The following MAP1B variants were observed in gnomAD, a reference collection of about 807,000 sequenced individuals.
MAP1B encodes the protein microtubule associated protein 1B, also known as microtubule-associated protein 1B.
A neutral mutation model predicts 176.1 loss-of-function variants in MAP1B; 12 were observed. The observed-to-expected ratio is 0.07, with a 90% CI of 0.04 to 0.11. The LOEUF (loss-of-function observed/expected upper bound fraction) is 0.11. Ranked by LOEUF, MAP1B falls within the 10% of genes least tolerant of loss-of-function variation. MAP1B has a pLI of 1.00. For synonymous variants in MAP1B, 1,044 were observed against 1,135.0 expected (o/e 0.92, Z 1.61); for missense variants, 2,523 against 2,990.5 (o/e 0.84, Z 3.65).
At chr5:72,188,357 T>C (rs891744114) in intron 4 of MAP1B, among the ~76,000 whole-genome samples, 3 of 152,228 alleles carry the variant, frequency 2.0e-5, no homozygotes, top group Admixed American at 6.5e-5. Context: ...AGGCTGGAAG[T>C]GGCCCAATGA....
At chr5:72,129,553 TC>T (rs1328886766) in intron 2 of MAP1B, among the ~76,000 whole-genome samples, 2 of 150,450 alleles carry the variant, frequency 1.3e-5, no homozygotes, top group African/African-American at 2.4e-5. Context: ...TGAGACTCCG[TC>T]CTAAAAAAAA....
Position 72,186,833 on chromosome 5 carries a change from C to T in MAP1B, c.510+79C>T. The T allele has an allele frequency of 6.5e-7, 1 of 1,531,476 alleles. No individual in the cohort carries two copies. Among genetic ancestry groups the T allele is most frequent in the South Asian group, 1.1e-5 (1 of 87,264 alleles). 94.9% of individuals were successfully genotyped at this position (1,531,476 alleles called of 1,614,324 possible). A position where few individuals can be genotyped will look rare whatever the true frequency, so the allele number is the denominator to read the frequency against. ...TCCTCTTTGAGAGCACTGGGGGAGA[C>T]AAAAGAAGAAGGGAGGGAACCTCAC... On this transcript the variant is annotated intron_variant, in intron 4 of 6. Coordinates refer to ENST00000296755, the MANE Select transcript of MAP1B (RefSeq NM_005909.5). The surrounding 1 kb of genome is among the most constrained non-coding windows in gnomAD (Gnocchi z 4.3).
intron 1 of MAP1B, among the ~76,000 whole-genome samples, chr5:72,108,547 G>T (rs954441323): frequency 2.0e-5 from 3 of 152,220 alleles, no homozygotes; most frequent in Admixed American, 2.0e-4. Context: ...CGCGCTCTGC[G>T]GAGGCCGAAT....
chr5:72,180,252 G>T (rs1746738500), intron 2 of MAP1B, among the ~76,000 whole-genome samples: 1 of 152,204 alleles, frequency 6.6e-6, no homozygotes, highest in South Asian at 2.1e-4. Context: ...GAATACAGAC[G>T]TGATGACAGT....
chr5:72,201,828 C>G (rs1474422323), intron 5 of MAP1B, among the ~76,000 whole-genome samples: 2 of 152,150 alleles, frequency 1.3e-5, no homozygotes, highest in Non-Finnish European at 2.9e-5. Context: ...GCACATTTGG[C>G]CTTTCTACAT....
intron 2 of MAP1B, among the ~76,000 whole-genome samples, chr5:72,151,395 C>A (rs527454146): frequency 2.0e-5 from 3 of 152,244 alleles, no homozygotes; most frequent in Admixed American, 2.0e-4. Flanking sequence ...TTGGCAAGAA[C>A]AAACAAGTCA....
In MAP1B at chr5:72,200,205, G is replaced by A. The variant is rs1156555263; in HGVS notation, c.6850G>A (p.Val2284Met). Residue 2284 changes from valine (V) to methionine (M), a missense_variant, in exon 5 of 7, where the codon GTG becomes ATG. Physicochemically the swap from Val to Met is conservative, Grantham distance 21. Coordinates refer to ENST00000296755, the MANE Select transcript of MAP1B (RefSeq NM_005909.5). The stretch of plus-strand genomic sequence containing the variant: ...GGGCTTGAAAGAATCCTCGGATAAA[G>A]TGTCCAGGGTGGCTTCTCCTAAGAA... ...PAGLKESSDK[V>M]SRVASPKKKE... 1 of 1,614,224 alleles carries A rather than the reference G, an allele frequency of 6.2e-7. No individual in the cohort carries two copies. Among genetic ancestry groups the A allele is most frequent in the Non-Finnish European group, 8.5e-7 (1 of 1,180,034 alleles).
chr5:72,194,594 A>G lies in MAP1B; in HGVS notation c.1239A>G (p.Gln413=), dbSNP rs1747104912. ...CTATTGATCCTGTCATTCTTTTCCA[A>G]AAAATGGGAGTAGGTAAACTTGAGA... ...GNTIDPVILF[Q]KMGVGKLEMY... Residue 413 remains glutamine, a synonymous_variant, in exon 5 of 7, where the codon CAA becomes CAG. Coordinates refer to ENST00000296755, the MANE Select transcript of MAP1B (RefSeq NM_005909.5). This position sits in a 1 kb window ranked among gnomAD's most constrained non-coding sequence, Gnocchi z 7.2. The G allele has an allele frequency of 6.2e-7, 1 of 1,614,108 alleles. No homozygotes were observed. The highest frequency in any genetic ancestry group is 8.5e-7 in the Non-Finnish European group (1 of 1,180,038).
chr5:72,153,125 C>CGTGTTTGCTTCAGATCT (rs1746173264), intron 2 of MAP1B, among the ~76,000 whole-genome samples: 1 of 152,192 alleles, frequency 6.6e-6, no homozygotes, highest in Non-Finnish European at 1.5e-5. Flanking sequence ...CGAGCCACCT[C>CGTGTTTGCTTCAGATCT]GTGTTTGCTT....
chr5:72,168,221 C>G (rs927385746), intron 2 of MAP1B, among the ~76,000 whole-genome samples: 1 of 152,244 alleles, frequency 6.6e-6, no homozygotes, highest in African/African-American at 2.4e-5. Flanking sequence ...TCCAGCTTCT[C>G]CAGCAACAGC....
Position 72,197,256 on chromosome 5 carries a change from G to A in MAP1B, c.3901G>A (p.Val1301Met), listed in dbSNP as rs1319455694. The change falls in exon 5 of 7, where the codon GTG (valine) becomes ATG (methionine). Residue 1301 changes from valine (V) to methionine (M), a missense_variant. By Grantham distance (21) the Val-to-Met change is conservative. This residue lies in a region of MAP1B where 1,925 missense variants were observed against 2,126.0 expected (regional missense o/e 0.91). Coordinates refer to ENST00000296755, the MANE Select transcript of MAP1B (RefSeq NM_005909.5). ...AGAAGTAGCCCCGGTGTCTCCTGAG[G>A]TGACCCAAGAAGTAGTTGAAGAACA... ...EAEVAPVSPE[V>M]TQEVVEEHCA... The A allele has an allele frequency of 3.7e-6, 6 of 1,614,202 alleles. No homozygotes were observed. Among genetic ancestry groups the A allele is most frequent in the Non-Finnish European group, 5.1e-6 (6 of 1,180,038 alleles).
chr5:72,129,121 C>T (rs1170933642), intron 2 of MAP1B, among the ~76,000 whole-genome samples: 1 of 149,642 alleles, frequency 6.7e-6, no homozygotes, highest in African/African-American at 2.6e-5. Flanking sequence ...ATCTTTAGAT[C>T]CTAGGAAGAG....
At chr5:72,123,311 TTTTG>T (rs1223399820) in intron 2 of MAP1B, among the ~76,000 whole-genome samples, 1 of 152,112 alleles carries the variant, frequency 6.6e-6, no homozygotes, top group Admixed American at 6.5e-5. Flanking sequence ...TTTAATCTCT[TTTTG>T]TTTTTGAGAC....
chr5:72,141,067 C>G (rs528110249), intron 2 of MAP1B, among the ~76,000 whole-genome samples: 1 of 152,326 alleles, frequency 6.6e-6, no homozygotes, highest in Non-Finnish European at 1.5e-5. Context: ...GTGTCTGTGT[C>G]TTCTGGAGCA....
chr5:72,179,854 G>C (rs1403452209), intron 2 of MAP1B: 1 of 985,500 alleles, frequency 1.0e-6, no homozygotes, highest in Non-Finnish European at 1.2e-6. Context: ...AGAGAACATC[G>C]TTAGTTGAAT....
chr5:72,181,062 A>G (rs1168815974), intron 2 of MAP1B, among the ~76,000 whole-genome samples: 1 of 152,210 alleles, frequency 6.6e-6, no homozygotes, highest in African/African-American at 2.4e-5. Flanking sequence ...AAGGGGGATA[A>G]TCATAGTAGC....
chr5:72,194,114 A>G lies in MAP1B; in HGVS notation c.759A>G (p.Gly253=). ...TCTTGGAACCTCCCACATCGGGTGGATTTCTGAAGCTCTCCAAGCCCTGCT... is the reference window on the plus strand; with the variant it reads ...TCTTGGAACCTCCCACATCGGGTGGGTTTCTGAAGCTCTCCAAGCCCTGCT... ...FDILEPPTSG[G]FLKLSKPCCY... is the part of the protein sequence containing the mutation. Residue 253 remains glycine (G), a synonymous_variant, in exon 5 of 7, where the codon GGA becomes GGG. Coordinates refer to ENST00000296755, the MANE Select transcript of MAP1B (RefSeq NM_005909.5). The surrounding 1 kb of genome is among the most constrained non-coding windows in gnomAD (Gnocchi z 7.2). 6.2e-7 allele frequency: 1 copy of G among 1,614,160 alleles called. No individual in the cohort carries two copies. The highest frequency in any genetic ancestry group is 8.5e-7 in the Non-Finnish European group (1 of 1,180,036).
At chr5:72,154,762 C>T (rs1746199380) in intron 2 of MAP1B, among the ~76,000 whole-genome samples, 1 of 152,202 alleles carries the variant, frequency 6.6e-6, no homozygotes, top group African/African-American at 2.4e-5. Context: ...TCTGGAGATT[C>T]CAGTAGGCAC....
At chr5:72,128,364 T>C (rs1455813691) in intron 2 of MAP1B, among the ~76,000 whole-genome samples, 1 of 151,880 alleles carries the variant, frequency 6.6e-6, no homozygotes, top group East Asian at 1.9e-4. Flanking sequence ...TCCCTGGATG[T>C]TATAGTCCTT....
Sources: allele counts gnomAD v4.1 joint callset (sites outside exome capture counted in the v4.1 genomes callset), GRCh38; gene constraint gnomAD v4.1.1; regional missense constraint gnomAD v4.1.1; non-coding constraint Gnocchi (gnomAD v3.1); transcripts MANE v1.5; gene names NCBI Gene and HGNC (gene_info 2026-07-23, HGNC 2026-07-21).